Variants in DHX34 observed in about 807,000 individuals in gnomAD.
DHX34 encodes the protein probable ATP-dependent RNA helicase DHX34.
In DHX34, 96 loss-of-function variants were observed where a neutral mutation model predicts 111.1. The observed-to-expected ratio is 0.86, with a 90% CI of 0.73 to 1.02. DHX34 has a LOEUF of 1.02. Ranked by LOEUF, DHX34 falls within the 50% of genes least tolerant of loss-of-function variation. DHX34 has a pLI of 0.00. For synonymous variants in DHX34, 688 were observed against 670.4 expected, an observed-to-expected ratio of 1.03 and a Z score of -0.41; for missense variants, 1,560 against 1,579.9, an observed-to-expected ratio of 0.99 and a Z score of 0.21.
At chr19:47,362,355 A>T in intron 5 of DHX34, 121 bp from the exon 6 acceptor site, 1 of 1,309,962 alleles carries the variant, frequency 7.6e-7, no homozygotes. Flanking sequence ...ATAAGCCCTC[A>T]GTTAGCATTA....
In DHX34 at chr19:47,363,432, G is replaced by C. The variant is rs114189533; in HGVS notation, c.1593+739G>C. On this transcript the variant is annotated intron_variant, in intron 6 of 16. Transcript: ENST00000328771. ...CATAGGACCCAACCCCAGAGTGTCAGGGTCAGGAAGGATAGGGCTAGCCAA... is the reference window on the plus strand; with the variant it reads ...CATAGGACCCAACCCCAGAGTGTCACGGTCAGGAAGGATAGGGCTAGCCAA... 7.8e-3 allele frequency among the ~76,000 whole-genome samples: 1,182 copies of C among 152,158 alleles called. 21 individuals carry two copies. Among genetic ancestry groups the C allele is most frequent in the African/African-American group, 0.027 (1,115 of 41,506 alleles).
Position 47,355,318 on chromosome 19 carries a change from G to A in DHX34, c.985G>A (p.Val329Ile). The change falls in exon 3 of 17, where the codon GTA (valine) becomes ATA (isoleucine). Residue 329 changes from valine to isoleucine, a missense_variant. Val to Ile is a conservative substitution (Grantham distance 29, BLOSUM62 3). Transcript: ENST00000328771. ...CAGCTATTTCAGCAATGCCCCTGTG[G>A]TACAGGTGCCTGGGAGGCTGTTCCC... Reference protein sequence around the residue: ...FSSYFSNAPVVQVPGRLFPIT... With the variant: ...FSSYFSNAPVIQVPGRLFPIT... 6.2e-7 allele frequency: 1 copy of A among 1,613,728 alleles called. No homozygotes were observed. The highest frequency in any genetic ancestry group is 8.5e-7 in the Non-Finnish European group (1 of 1,179,668).
intron 4 of DHX34, 92 bp from the exon 5 acceptor site, chr19:47,359,876 A>G: frequency 6.3e-7 from 1 of 1,595,190 alleles, no homozygotes; most frequent in East Asian, 2.2e-5. Context: ...GGTTCCAGGG[A>G]AGCTGCTGAC....
chr19:47,355,053 C>T lies in DHX34; in HGVS notation c.720C>T (p.Ile240=). The T allele has an allele frequency of 6.2e-7, 1 of 1,613,828 alleles. No individual in the cohort carries two copies. Among genetic ancestry groups the T allele is most frequent in the Non-Finnish European group, 8.5e-7 (1 of 1,179,840 alleles). Residue 240 remains isoleucine (I), a synonymous_variant, in exon 3 of 17, where the codon ATC becomes ATT. Coordinates refer to ENST00000328771, the MANE Select transcript of DHX34 (RefSeq NM_014681.6). ...TCCCACCCCAGGTCGGCTACCAGAT[C>T]CGCTTTGAGAGCACACGTTCGGCGG... The part of the protein sequence containing the change: ...SQYGSQVGYQ[I]RFESTRSAAT...
chr19:47,376,999 C>T, intron 12 of DHX34, 101 bp from the exon 13 acceptor site: 1 of 1,586,194 alleles, frequency 6.3e-7, no homozygotes, highest in Non-Finnish European at 8.6e-7. Flanking sequence ...CGTAAGCATA[C>T]TCTTTCTATC....
Position 47,380,799 on chromosome 19 carries a change from T to C in DHX34, c.2983-17T>C, listed in dbSNP as rs764126489. 2 of 1,613,610 alleles carry C rather than the reference T, an allele frequency of 1.2e-6. No homozygotes were observed. Among genetic ancestry groups the C allele is most frequent in the South Asian group, 1.1e-5 (1 of 91,066 alleles). ...CCTGAGTCTGTCTCTCTCCATTTCC[T>C]GTCTCTCCTTCCTTAGATTCCTTAC... is the stretch of plus-strand genomic sequence containing the variant. On this transcript the variant is annotated splice_polypyrimidine_tract_variant and intron_variant, in intron 14 of 16. Transcript: ENST00000328771.
chr19:47,365,005 G>A (rs1969748075), intron 6 of DHX34, among the ~76,000 whole-genome samples: 1 of 152,070 alleles, frequency 6.6e-6, no homozygotes, highest in Non-Finnish European at 1.5e-5. Context: ...TAAGGCCACA[G>A]GAACATTTTC....
chr19:47,377,146 G>A lies in DHX34; in HGVS notation c.2646G>A (p.Val882=). The A allele has an allele frequency of 1.2e-6, 2 of 1,613,948 alleles. No individual in the cohort carries two copies. Among genetic ancestry groups the A allele is most frequent in the African/African-American group, 2.7e-5 (2 of 75,060 alleles). The change falls in exon 13 of 17, where the codon GTG becomes GTA. Residue 882 remains valine, a synonymous_variant. Coordinates refer to ENST00000328771, the MANE Select transcript of DHX34 (RefSeq NM_014681.6). ...GCAAACACCAGCTCCTCAGCTTCGTGTCCCTGCTGGAGACCAACAAGCCGT... is the reference window on the plus strand; with the variant it reads ...GCAAACACCAGCTCCTCAGCTTCGTATCCCTGCTGGAGACCAACAAGCCGT... ...MSSKHQLLSF[V]SLLETNKPYL...
chr19:47,382,608 C>T lies in DHX34; in HGVS notation c.*495C>T, dbSNP rs906183288. Reference sequence around the variant, plus strand: ...GGTGTTCACGTGGGACCACAGGCTGCACCATAAGACCCACTCACAATAAAA... The same window carrying T: ...GGTGTTCACGTGGGACCACAGGCTGTACCATAAGACCCACTCACAATAAAA... On this transcript the variant is annotated 3_prime_UTR_variant, in exon 17 of 17. Coordinates refer to ENST00000328771, the MANE Select transcript of DHX34 (RefSeq NM_014681.6). 3 of 153,842 alleles carry T rather than the reference C, an allele frequency of 2.0e-5. No homozygotes were observed. Among genetic ancestry groups the T allele is most frequent in the African/African-American group, 7.2e-5 (3 of 41,414 alleles). 9.5% of individuals were successfully genotyped at this position (153,842 alleles called of 1,614,324 possible).
intron 4 of DHX34, among the ~76,000 whole-genome samples, chr19:47,359,006 C>T (rs941116226): frequency 3.3e-5 from 5 of 152,154 alleles, no homozygotes; most frequent in Non-Finnish European, 7.3e-5. Context: ...GCGATCCTCC[C>T]CTAGTGGGGG....
In DHX34 at chr19:47,374,675, C is replaced by G. The variant is rs1970077830; in HGVS notation, c.2065-791C>G. On this transcript the variant is annotated intron_variant, in intron 9 of 16. Transcript: ENST00000328771. ...AGTCACCCAGCCGACACCTCCGGTA[C>G]CATTTCTGGGGTCCCGGTGTTGGGG... Among the ~76,000 whole-genome samples the G allele has an allele frequency of 2.0e-5, 3 of 152,082 alleles. No homozygotes were observed. The South Asian group carries it at 6.2e-4, about 31-fold the overall frequency.
At position 47,353,802 on chromosome 19, in the gene DHX34, T is replaced by C; in HGVS notation, c.705+67T>C. The C allele has an allele frequency of 7.3e-7, 1 of 1,369,284 alleles. No homozygotes were observed. Among genetic ancestry groups the C allele is most frequent in the Non-Finnish European group, 9.7e-7 (1 of 1,032,758 alleles). The allele number at this position is 1,369,284 out of a possible 1,614,324, so 84.8% of individuals were successfully genotyped here. On this transcript the variant is annotated intron_variant, in intron 2 of 16. Coordinates refer to ENST00000328771, the MANE Select transcript of DHX34 (RefSeq NM_014681.6). The surrounding 1 kb of genome is among the most constrained non-coding windows in gnomAD (Gnocchi z 4.6). The stretch of plus-strand genomic sequence containing the variant: ...CTTGGGGGAATAGGTTGCTTGTCCA[T>C]ATGGCAGTATCAATAAAAATGAAGC...
chr19:47,372,574 G>A (rs148594163), intron 7 of DHX34, 156 bp from the exon 8 acceptor site: 21 of 983,336 alleles, frequency 2.1e-5, no homozygotes, highest in Middle Eastern at 1.0e-3. Flanking sequence ...ACAGCGCGTG[G>A]GTTTGAATCT....
chr19:47,350,797 G>A (rs1969262248), intron 1 of DHX34, among the ~76,000 whole-genome samples: 1 of 152,060 alleles, frequency 6.6e-6, no homozygotes, highest in Non-Finnish European at 1.5e-5. Context: ...GAAAGGAAGA[G>A]TTGGATTACA....
chr19:47,380,746 C>T, intron 14 of DHX34, 70 bp from the exon 15 acceptor site: 2 of 1,596,192 alleles, frequency 1.3e-6, no homozygotes, highest in Non-Finnish European at 8.5e-7. Context: ...TCAGGCACAG[C>T]TGGATCCAGG....
In DHX34 at chr19:47,379,327, C is replaced by T. The variant is rs564555825; in HGVS notation, c.2707-383C>T. Among the ~76,000 whole-genome samples, 5 of 152,204 alleles carry T rather than the reference C, an allele frequency of 3.3e-5. No individual in the cohort carries two copies. The South Asian group carries it at 1.0e-3, about 32-fold the overall frequency. On this transcript the variant is annotated intron_variant, in intron 13 of 16. Transcript: ENST00000328771. ...ATTTTCCCCAACATCTTATGAGCCA[C>T]AGCACTGGTAATTACAGCGCTGACT...
chr19:47,379,951 T>G lies in DHX34; in HGVS notation c.2948T>G (p.Leu983Arg). 1 of 1,596,220 alleles carries G rather than the reference T, an allele frequency of 6.3e-7. No homozygotes were observed. Among genetic ancestry groups the G allele is most frequent in the Non-Finnish European group, 8.6e-7 (1 of 1,165,618 alleles). Reference protein sequence around the residue: ...TPVSPKEVATLSKELLQFTAS... With the variant: ...TPVSPKEVATRSKELLQFTAS... The stretch of plus-strand genomic sequence containing the variant: ...GTCAGCCCCAAGGAGGTGGCCACCC[T>G]GAGCAAGGAACTCCTGCAATTCACG... The change falls in exon 14 of 17, where the codon CTG (leucine) becomes CGG (arginine). Residue 983 changes from leucine (L) to arginine (R), a missense_variant. By Grantham distance (102) the Leu-to-Arg change is moderately radical. Coordinates refer to ENST00000328771, the MANE Select transcript of DHX34 (RefSeq NM_014681.6).
chr19:47,350,836 TAAGTG>T (rs1044223102), intron 1 of DHX34, among the ~76,000 whole-genome samples: 58 of 151,874 alleles, frequency 3.8e-4, no homozygotes, highest in African/African-American at 1.1e-3. Context: ...GAATGACTCA[TAAGTG>T]AAGAGAGATG....
In DHX34 at chr19:47,381,224, C is replaced by G. The variant is rs753108899; in HGVS notation, c.3198C>G (p.Phe1066Leu). Residue 1066 changes from phenylalanine (F) to leucine (L), a missense_variant, in exon 16 of 17, where the codon TTC becomes TTG. Phe to Leu is a conservative substitution (Grantham distance 22). Transcript: ENST00000328771. ...TDLYSDCLRT[F>L]WTCPHCGLHA... ...TGTACAGCGACTGTCTCCGAACCTTCTGGACCTGCCCCCACTGTGGCCTGC... is the reference window on the plus strand; with the variant it reads ...TGTACAGCGACTGTCTCCGAACCTTGTGGACCTGCCCCCACTGTGGCCTGC... The G allele has an allele frequency of 1.2e-6, 2 of 1,614,138 alleles. No homozygotes were observed. The highest frequency in any genetic ancestry group is 3.3e-5 in the Admixed American group (2 of 60,022).
Sources: gnomAD v4.1 joint callset for allele counts (sites outside exome capture counted in the v4.1 genomes callset) on GRCh38, gnomAD v4.1.1 for gene constraint, Gnocchi (gnomAD v3.1) non-coding constraint, MANE v1.5 for transcripts, NCBI Gene and HGNC (gene_info 2026-07-23, HGNC 2026-07-21) for gene names.